QRICH2: variants seen among roughly 807,000 people sequenced by gnomAD.
The protein encoded by QRICH2 is glutamine-rich protein 2.
In QRICH2, 119 loss-of-function variants were observed where a neutral mutation model predicts 168.3. The observed-to-expected ratio is 0.71, with a 90% CI of 0.61 to 0.82. The LOEUF (loss-of-function observed/expected upper bound fraction) is 0.82. QRICH2 is among the 40% of genes least tolerant of loss of function. The pLI is 0.00. For missense variants in QRICH2, 2,241 were observed against 2,491.6 expected (o/e 0.90, Z 2.14); for synonymous variants, 894 against 951.2 (o/e 0.94, Z 1.11).
intron 3 of QRICH2, among the ~76,000 whole-genome samples, chr17:76,299,123 C>A (rs2070854227): frequency 6.6e-6 from 1 of 152,060 alleles, no homozygotes; most frequent in Non-Finnish European, 1.5e-5. Flanking sequence ...AAATTGTTTT[C>A]CGATCGCCAA....
At chr17:76,300,422 G>T (rs902348486) in intron 3 of QRICH2, among the ~76,000 whole-genome samples, 6 of 152,136 alleles carry the variant, frequency 3.9e-5, no homozygotes, top group Non-Finnish European at 7.3e-5. Flanking sequence ...TGAAAGCAGT[G>T]GGGGAGTGCC....
In QRICH2 at chr17:76,278,090, A is replaced by T. The variant is rs373948289; in HGVS notation, c.5016T>A (p.Ile1672=). The T allele has an allele frequency of 6.2e-7, 1 of 1,613,762 alleles. No individual in the cohort carries two copies. Among genetic ancestry groups the T allele is most frequent in the African/African-American group, 1.3e-5 (1 of 74,948 alleles). ...RSMHSKMLMN[I]EKVQIHFGGS... is the part of the protein sequence containing the mutation. ...CCCCGAAGTGGATCTGCACCTTCTC[A>T]ATGTTCATCAGCATCTTGGAGTGCA... Residue 1672 remains isoleucine, a synonymous_variant, in exon 15 of 19, where the codon ATT becomes ATA. Transcript: ENST00000680821.
chr17:76,291,937 G>A lies in QRICH2; in HGVS notation c.2790C>T (p.Gly930=), dbSNP rs140639164. The change falls in exon 4 of 19, where the codon GGC becomes GGT. Residue 930 remains glycine (G), a synonymous_variant. Coordinates refer to ENST00000680821, the MANE Select transcript of QRICH2 (RefSeq NM_001388453.1). ...GAGGATAGGCACCAGGTTGTACCAGGCCATGTGGATCTGCCTGAGGTTGCA... is the reference window on the plus strand; with the variant it reads ...GAGGATAGGCACCAGGTTGTACCAGACCATGTGGATCTGCCTGAGGTTGCA... The part of the protein sequence containing the change: ...GMVQPQADPH[G]LVQPGAYPLG... The A allele has an allele frequency of 2.5e-5, 41 of 1,613,790 alleles. No homozygotes were observed. The African/African-American group carries it at 5.3e-4, about 21-fold the overall frequency.
At chr17:76,297,870 G>GTTTTTTTTTT (rs1169251679) in intron 3 of QRICH2, among the ~76,000 whole-genome samples, 1,189 of 79,468 alleles carry the variant, frequency 0.015, 126 homozygotes, top group Non-Finnish European at 0.018. Context: ...TTAGGAATCT[G>GTTTTTTTTTT]TTTTTTTTTT....
chr17:76,306,258 T>A (rs773577616), intron 1 of QRICH2, among the ~76,000 whole-genome samples: 7 of 148,310 alleles, frequency 4.7e-5, no homozygotes, highest in Non-Finnish European at 8.9e-5. Flanking sequence ...AAAGCAGACA[T>A]GCTTCCCAGA....
chr17:76,280,638 G>A lies in QRICH2; in HGVS notation c.4461+16C>T. On this transcript the variant is annotated intron_variant, in intron 10 of 18. Transcript: ENST00000680821. The surrounding 1 kb of genome is among the most constrained non-coding windows in gnomAD (Gnocchi z 7.4). ...CGCCCTGGGACACAGCGTGGCTCCT[G>A]GGGCCTGGCACCCACCACATCGATC... 2.5e-6 allele frequency: 4 copies of A among 1,613,920 alleles called. No homozygotes were observed. The highest frequency in any genetic ancestry group is 3.4e-6 in the Non-Finnish European group (4 of 1,179,840).
At chr17:76,287,737 C>A in intron 6 of QRICH2, 63 bp downstream of exon 6, 1 of 1,272,170 alleles carries the variant, frequency 7.9e-7, no homozygotes, top group Non-Finnish European at 1.2e-6. Context: ...TGGCCGCCAT[C>A]ACCTCCTTGG....
At chr17:76,299,379 G>A (rs2070857602) in intron 3 of QRICH2, among the ~76,000 whole-genome samples, 1 of 152,084 alleles carries the variant, frequency 6.6e-6, no homozygotes, top group Non-Finnish European at 1.5e-5. Flanking sequence ...AAGACAACCT[G>A]GGATCTCCAG....
chr17:76,304,322 A>C (rs897980776), intron 3 of QRICH2, 93 bp downstream of exon 3: 21 of 744,638 alleles, frequency 2.8e-5, no homozygotes, highest in Admixed American at 1.3e-4. Flanking sequence ...CGAACTATGA[A>C]TATCCATAGA....
intron 7 of QRICH2, 55 bp downstream of exon 7, chr17:76,287,137 G>A (rs1325334883): frequency 1.6e-6 from 2 of 1,265,978 alleles, no homozygotes; most frequent in Non-Finnish European, 2.3e-6. Context: ...GCAGGGCCAA[G>A]CCAGCTCTGA....
chr17:76,277,124 A>T (rs540957379), intron 16 of QRICH2, 39 bp downstream of exon 16: 1 of 1,510,624 alleles, frequency 6.6e-7, no homozygotes, highest in East Asian at 2.4e-5. Flanking sequence ...GAGCCATGTC[A>T]GGGCCTCCCT....
rs1365610023 is a variant in QRICH2, at chr17:76,292,200, G to A, written c.2527C>T (p.Gln843Ter). 7.2e-6 allele frequency: 11 copies of A among 1,524,902 alleles called. No individual in the cohort carries two copies. Among genetic ancestry groups the A allele is most frequent in the Non-Finnish European group, 9.8e-6 (11 of 1,122,598 alleles). The allele number at this position is 1,524,902 out of a possible 1,614,324, so 94.5% of individuals were successfully genotyped here. The change falls in exon 4 of 19, where the codon CAA becomes TAA. Residue 843 changes from glutamine to a stop codon, truncating the protein, a stop_gained. Transcript: ENST00000680821. LOFTEE classifies it high-confidence loss of function. ...QPGAVQRGLV[Q>*]PGAVQHGLVQ... ...AAACCATGCTGAACTGCACCAGGTT[G>A]GACCAAACCACGCTGAACTGCACCA...
intron 3 of QRICH2, among the ~76,000 whole-genome samples, chr17:76,303,872 CAA>C (rs67296304): frequency 5.6e-5 from 4 of 71,678 alleles, no homozygotes; most frequent in African/African-American, 1.1e-4. Flanking sequence ...AACTCTGTCT[CAA>C]AAAAAAAAAA....
intron 7 of QRICH2, among the ~76,000 whole-genome samples, chr17:76,286,633 T>C (rs971865010): frequency 1.8e-4 from 27 of 152,116 alleles, no homozygotes; most frequent in Non-Finnish European, 1.2e-4. Context: ...GGTGAATTCA[T>C]TGATATATGA....
chr17:76,293,030 T>C lies in QRICH2; in HGVS notation c.1697A>G (p.Glu566Gly), dbSNP rs2071040240. 1 of 1,614,098 alleles carries C rather than the reference T, an allele frequency of 6.2e-7. No individual in the cohort carries two copies. Among genetic ancestry groups the C allele is most frequent in the African/African-American group, 1.3e-5 (1 of 74,928 alleles). ...GCCAGACTGGATCAAATCATGCTGC[T>C]CTGTGCCAGGTTGTATGAAGCCAGT... is the stretch of plus-strand genomic sequence containing the variant. ...EATGFIQPGT[E>G]QHDLIQSGRF... The change falls in exon 4 of 19, where the codon GAG becomes GGG. Residue 566 changes from glutamate to glycine, a missense_variant. Glu to Gly is a moderately conservative substitution (Grantham distance 98, BLOSUM62 -2). This residue lies in a region of QRICH2 where 2,047 missense variants were observed against 2,303.8 expected (regional missense o/e 0.89). Coordinates refer to ENST00000680821, the MANE Select transcript of QRICH2 (RefSeq NM_001388453.1).
Position 76,291,535 on chromosome 17 carries a change from C to T in QRICH2, c.3192G>A (p.Leu1064=), listed in dbSNP as rs765097341. The change falls in exon 4 of 19, where the codon CTG becomes CTA. Residue 1064 remains leucine (L), a synonymous_variant. Coordinates refer to ENST00000680821, the MANE Select transcript of QRICH2 (RefSeq NM_001388453.1). ...PGTDQHSPIP[L]STGLGSTHPD... ...GGTGTGTAGATCCCAAACCTGTACT[C>T]AGTGGTATTGGGCTGTGCTGGTCTG... 1 of 1,610,938 alleles carries T rather than the reference C, an allele frequency of 6.2e-7. No homozygotes were observed. Among genetic ancestry groups the T allele is most frequent in the East Asian group, 2.2e-5 (1 of 44,792 alleles).
At chr17:76,308,957 G>A (rs1035065757), upstream of QRICH2, among the ~76,000 whole-genome samples, 6 of 150,768 alleles carry the variant, frequency 4.0e-5, no homozygotes, top group African/African-American at 1.5e-4. Flanking sequence ...ATGTTGGCCA[G>A]GCTGGTCTTG....
At chr17:76,296,777 C>CAAA (rs758967969) in intron 3 of QRICH2, among the ~76,000 whole-genome samples, 21 of 90,738 alleles carry the variant, frequency 2.3e-4, no homozygotes, top group East Asian at 6.0e-4. Flanking sequence ...GGCTCTGTCT[C>CAAA]AAAAAAAAAA....
At chr17:76,286,152 G>A (rs556017476) in intron 7 of QRICH2, among the ~76,000 whole-genome samples, 1 of 150,590 alleles carries the variant, frequency 6.6e-6, no homozygotes, top group South Asian at 2.1e-4. Context: ...TCCAGCCTAG[G>A]CGAGAGAGCA....
Sources: allele counts gnomAD v4.1 joint callset (sites outside exome capture counted in the v4.1 genomes callset), GRCh38; gene constraint gnomAD v4.1.1; regional missense constraint gnomAD v4.1.1; non-coding constraint Gnocchi (gnomAD v3.1); transcripts MANE v1.5; gene names NCBI Gene and HGNC (gene_info 2026-07-23, HGNC 2026-07-21).